The following ARB2A variants were observed in gnomAD, a reference collection of about 807,000 sequenced individuals.
The protein encoded by ARB2A is ARB2 cotranscriptional regulator A, also known as cotranscriptional regulator ARB2A.
the ARB2A span, among the ~76,000 whole-genome samples, chr5:93,984,892 T>C: frequency 6.6e-6 from 1 of 152,214 alleles, no homozygotes; most frequent in South Asian, 2.1e-4. Context: ...GGAAGTTCTG[T>C]ATTGTAAAAT....
At chr5:93,788,513 C>T in the ARB2A span, among the ~76,000 whole-genome samples, 1 of 152,168 alleles carries the variant, frequency 6.6e-6, no homozygotes, top group East Asian at 1.9e-4. Context: ...ATGTACCTGC[C>T]TACTGTCTTC....
the ARB2A span, among the ~76,000 whole-genome samples, chr5:93,874,627 C>A: frequency 1.3e-5 from 2 of 152,186 alleles, no homozygotes; most frequent in African/African-American, 4.8e-5. Flanking sequence ...GTCATTCTAG[C>A]AAGTTATTGA....
chr5:93,856,797 C>G, the ARB2A span, among the ~76,000 whole-genome samples: 17 of 152,152 alleles, frequency 1.1e-4, no homozygotes, highest in South Asian at 1.0e-3. Flanking sequence ...AAGTCATTCT[C>G]TGTCCAGCTT....
chr5:93,675,094 A>G, the ARB2A span, among the ~76,000 whole-genome samples: 4 of 152,172 alleles, frequency 2.6e-5, no homozygotes, highest in Non-Finnish European at 2.9e-5. Context: ...TAATAACAAT[A>G]CTGAATGCTA....
the ARB2A span, among the ~76,000 whole-genome samples, chr5:94,026,689 A>G: frequency 2.0e-5 from 3 of 152,314 alleles, no homozygotes; most frequent in South Asian, 6.2e-4. Context: ...AAATGGGAAG[A>G]CAAGTTCTCA....
At chr5:93,783,327 G>A in the ARB2A span, among the ~76,000 whole-genome samples, 14 of 152,100 alleles carry the variant, frequency 9.2e-5, no homozygotes, top group Non-Finnish European at 1.3e-4. Flanking sequence ...AAGAGGACTG[G>A]AATAAAAATA....
chr5:93,669,084 C>A, the ARB2A span, among the ~76,000 whole-genome samples: 37,303 of 152,072 alleles, frequency 0.25, 4,899 homozygotes, highest in South Asian at 0.49. Flanking sequence ...TAAAAGTCAT[C>A]CTAATTTGTA....
At chr5:94,103,374 T>C in the ARB2A span, among the ~76,000 whole-genome samples, 2 of 152,000 alleles carry the variant, frequency 1.3e-5, no homozygotes, top group Admixed American at 6.6e-5. Flanking sequence ...TCTTTTAATT[T>C]GAGACAAAAC....
chr5:94,000,215 A>G, the ARB2A span, among the ~76,000 whole-genome samples: 1 of 152,050 alleles, frequency 6.6e-6, no homozygotes, highest in Admixed American at 6.6e-5. Flanking sequence ...TGGTGAGAGT[A>G]TGTTTACTTT....
the ARB2A span, among the ~76,000 whole-genome samples, chr5:93,851,864 T>G: frequency 6.6e-6 from 1 of 152,200 alleles, no homozygotes; most frequent in African/African-American, 2.4e-5. Context: ...TGTTGGACAT[T>G]TGGGTTGGTT....
At chr5:93,999,267 C>T in the ARB2A span, among the ~76,000 whole-genome samples, 867 of 151,734 alleles carry the variant, frequency 5.7e-3, 7 homozygotes, top group Non-Finnish European at 7.1e-3. Context: ...GGTTCTCACA[C>T]GTAGCAGCAA....
chr5:93,901,495 T>C, the ARB2A span, among the ~76,000 whole-genome samples: 1 of 152,196 alleles, frequency 6.6e-6, no homozygotes, highest in Admixed American at 6.6e-5. Context: ...CCAGTTGTTA[T>C]GCCAATTATA....
chr5:93,874,386 A>G, the ARB2A span, among the ~76,000 whole-genome samples: 1 of 152,168 alleles, frequency 6.6e-6, no homozygotes, highest in African/African-American at 2.4e-5. Context: ...CCCAGTGATT[A>G]GAGGGTACTT....
chr5:94,061,543 A>C, the ARB2A span, among the ~76,000 whole-genome samples: 4 of 152,200 alleles, frequency 2.6e-5, no homozygotes, highest in Non-Finnish European at 4.4e-5. Flanking sequence ...TCTACGTAGA[A>C]AATCCTAAGG....
At chr5:93,916,917 A>T in the ARB2A span, among the ~76,000 whole-genome samples, 1 of 152,204 alleles carries the variant, frequency 6.6e-6, no homozygotes, top group Admixed American at 6.6e-5. Flanking sequence ...AAAGAAAAGT[A>T]TAAAGAGGAA....
At chr5:93,907,715 A>G in the ARB2A span, among the ~76,000 whole-genome samples, 3 of 151,392 alleles carry the variant, frequency 2.0e-5, no homozygotes, top group Non-Finnish European at 4.4e-5. Flanking sequence ...TTCTCTTTTC[A>G]TATTTTTACA....
the ARB2A span, among the ~76,000 whole-genome samples, chr5:94,010,880 T>C: frequency 1.3e-5 from 2 of 151,908 alleles, no homozygotes; most frequent in African/African-American, 2.4e-5. Flanking sequence ...ATGGGTTGAG[T>C]GTAGAGTGTG....
At chr5:93,759,067 T>A in the ARB2A span, among the ~76,000 whole-genome samples, 1 of 151,932 alleles carries the variant, frequency 6.6e-6, no homozygotes, top group South Asian at 2.1e-4. Context: ...ACAGGAGACA[T>A]TACAACTGAC....
the ARB2A span, chr5:93,741,584 C>T: frequency 1.2e-5 from 18 of 1,497,838 alleles, no homozygotes; most frequent in African/African-American, 1.7e-4. Context: ...GCACCCGCAG[C>T]GGCTCTGGTA....
Sources: allele counts gnomAD v4.1 joint callset (sites outside exome capture counted in the v4.1 genomes callset), GRCh38; gene constraint gnomAD v4.1.1; transcripts MANE v1.5; gene names NCBI Gene and HGNC (gene_info 2026-07-23, HGNC 2026-07-21).